PDE11A: variants seen among roughly 807,000 people sequenced by gnomAD.
The protein encoded by PDE11A is dual 3',5'-cyclic-AMP and -GMP phosphodiesterase 11A.
In PDE11A, 100 loss-of-function variants were observed where a neutral mutation model predicts 100.5. The ratio of observed to expected loss-of-function variants is 1.00; its 90% CI spans 0.85 to 1.18. The LOEUF (loss-of-function observed/expected upper bound fraction) is 1.18, where lower values mean the gene tolerates loss of function less well. PDE11A is among the 50% of genes most tolerant of loss of function. The pLI is 0.00. For missense variants in PDE11A, 1,141 were observed against 1,152.6 expected (o/e 0.99, Z 0.15); for synonymous variants, 381 against 420.8 (o/e 0.91, Z 1.16).
At chr2:177,986,020 T>C (rs1486542550) in intron 2 of PDE11A, among the ~76,000 whole-genome samples, 1 of 152,216 alleles carries the variant, frequency 6.6e-6, no homozygotes. Context: ...AGGATCCTTT[T>C]GCTCACTTTC....
chr2:177,755,784 C>T (rs2082082677), intron 10 of PDE11A, among the ~76,000 whole-genome samples: 1 of 152,196 alleles, frequency 6.6e-6, no homozygotes, highest in Non-Finnish European at 1.5e-5. Context: ...TGCCAGAGGC[C>T]ACTTTTACCC....
At chr2:177,681,690 C>T (rs895057015) in intron 15 of PDE11A, among the ~76,000 whole-genome samples, 5 of 152,174 alleles carry the variant, frequency 3.3e-5, no homozygotes, top group African/African-American at 1.2e-4. Context: ...CCTAAATTAA[C>T]CTGAAATGCT....
chr2:177,730,703 A>G (rs2105450934), intron 10 of PDE11A, among the ~76,000 whole-genome samples: 1 of 152,200 alleles, frequency 6.6e-6, no homozygotes, highest in East Asian at 1.9e-4. Context: ...TCACGGATAC[A>G]ATATTTTCTC....
chr2:177,780,610 C>G (rs1010146475), intron 9 of PDE11A, among the ~76,000 whole-genome samples: 3 of 152,192 alleles, frequency 2.0e-5, no homozygotes, highest in Admixed American at 1.3e-4. Flanking sequence ...ACTGTAACAA[C>G]CTTTATCAAT....
chr2:177,730,883 A>C (rs1012673501), intron 10 of PDE11A, among the ~76,000 whole-genome samples: 7 of 152,190 alleles, frequency 4.6e-5, no homozygotes, highest in Non-Finnish European at 5.9e-5. Flanking sequence ...CATACAACAG[A>C]TCTCTAGAAC....
intron 2 of PDE11A, among the ~76,000 whole-genome samples, chr2:177,977,050 C>T (rs1574318656): frequency 1.6e-4 from 2 of 12,604 alleles, no homozygotes; most frequent in African/African-American, 3.5e-4. Flanking sequence ...TGCCCTCTCT[C>T]ACCGCTCCTA....
chr2:178,084,750 CT>C (rs11370989), intron 2 of PDE11A, among the ~76,000 whole-genome samples: 2,162 of 142,258 alleles, frequency 0.015, 20 homozygotes, highest in African/African-American at 0.042. Flanking sequence ...TGGTAGACAG[CT>C]TTTTTTTTTT....
At chr2:177,915,251 CATT>C (rs890289767) in intron 2 of PDE11A, among the ~76,000 whole-genome samples, 1 of 152,192 alleles carries the variant, frequency 6.6e-6, no homozygotes, top group African/African-American at 2.4e-5. Context: ...TTGTGTCACA[CATT>C]ATTCGGATTT....
intron 2 of PDE11A, among the ~76,000 whole-genome samples, chr2:177,928,521 G>A (rs1461237528): frequency 1.3e-5 from 2 of 151,814 alleles, no homozygotes; most frequent in African/African-American, 4.8e-5. Context: ...GAGAGACAGA[G>A]AGAGAGAGAA....
intron 10 of PDE11A, among the ~76,000 whole-genome samples, chr2:177,734,955 C>T (rs1332437318): frequency 1.3e-5 from 2 of 152,228 alleles, no homozygotes; most frequent in Non-Finnish European, 2.9e-5. Context: ...CCCCAGGAGA[C>T]CGCCCAGTTT....
intron 2 of PDE11A, among the ~76,000 whole-genome samples, chr2:177,952,786 GC>G (rs1024168100): frequency 2.6e-5 from 4 of 151,810 alleles, no homozygotes; most frequent in African/African-American, 9.7e-5. Context: ...TCTGTGGTTC[GC>G]CCCCACTCTG....
intron 2 of PDE11A, among the ~76,000 whole-genome samples, chr2:178,098,120 A>G (rs192859932): frequency 4.6e-5 from 7 of 152,218 alleles, no homozygotes; most frequent in African/African-American, 1.4e-4. Context: ...ATATTTCTCC[A>G]AACAATAATT....
intron 2 of PDE11A, among the ~76,000 whole-genome samples, chr2:178,013,511 T>C (rs373791622): frequency 6.6e-6 from 1 of 152,234 alleles, no homozygotes; most frequent in Admixed American, 6.5e-5. Flanking sequence ...GTAATTAGCA[T>C]TGGCAAATGA....
intron 10 of PDE11A, among the ~76,000 whole-genome samples, chr2:177,749,369 A>AG (rs1367617672): frequency 6.6e-6 from 1 of 152,184 alleles, no homozygotes; most frequent in Non-Finnish European, 1.5e-5. Context: ...GAGCCACTGT[A>AG]GGAGCTAATA....
intron 5 of PDE11A, among the ~76,000 whole-genome samples, chr2:177,874,994 C>G (rs554257668): frequency 6.6e-6 from 1 of 152,094 alleles, no homozygotes; most frequent in Non-Finnish European, 1.5e-5. Context: ...GAGGCCAAGA[C>G]GGGCAGATCA....
chr2:178,077,260 C>CTTTTTTTTT (rs57259393), upstream of PDE11A, among the ~76,000 whole-genome samples: 38 of 98,650 alleles, frequency 3.9e-4, no homozygotes, highest in South Asian at 1.1e-3. Flanking sequence ...TTCTTTCTTT[C>CTTTTTTTTT]TTTTTTTTTT....
chr2:177,882,327 G>A (rs556980415), intron 4 of PDE11A, among the ~76,000 whole-genome samples: 8 of 152,186 alleles, frequency 5.3e-5, no homozygotes, highest in African/African-American at 1.9e-4. Context: ...CAGCAAAAAC[G>A]GCTTAAATAT....
At chr2:178,096,404 A>G (rs2087492165) in intron 2 of PDE11A, among the ~76,000 whole-genome samples, 1 of 149,400 alleles carries the variant, frequency 6.7e-6, no homozygotes, top group South Asian at 2.1e-4. Context: ...CGATCTCCTG[A>G]CCTCATGATC....
intron 9 of PDE11A, among the ~76,000 whole-genome samples, chr2:177,776,762 T>A (rs1347297511): frequency 6.6e-6 from 1 of 152,122 alleles, no homozygotes; most frequent in Non-Finnish European, 1.5e-5. Flanking sequence ...AAGGTGGCCA[T>A]CTGCAAGCCA....
Sources: gnomAD v4.1 joint callset for allele counts (sites outside exome capture counted in the v4.1 genomes callset) on GRCh38, gnomAD v4.1.1 for gene constraint, MANE v1.5 for transcripts, NCBI Gene and HGNC (gene_info 2026-07-23, HGNC 2026-07-21) for gene names.